The following MAF variants were observed in gnomAD, a reference collection of about 807,000 sequenced individuals.
The protein encoded by MAF is transcription factor Maf.
Under a neutral mutation model 22.0 loss-of-function variants are expected in MAF, and 10 were observed. That is an observed-to-expected ratio of 0.45 (90% CI 0.28 to 0.77). The LOEUF is 0.77. Among genes scored for constraint, MAF ranks in the 30% least tolerant of loss-of-function variants. The pLI is 0.12. For missense variants in MAF, 544 were observed against 548.4 expected (o/e 0.99, Z 0.08); for synonymous variants, 337 against 255.8 (o/e 1.32, Z -3.03).
chr16:79,272,491 G>C, the MAF span, among the ~76,000 whole-genome samples: 4 of 152,072 alleles, frequency 2.6e-5, no homozygotes, highest in Non-Finnish European at 5.9e-5. Flanking sequence ...TTTCATCTCT[G>C]CACACCGACT....
the MAF span, among the ~76,000 whole-genome samples, chr16:79,417,741 C>T: frequency 0.52 from 79,347 of 151,994 alleles, 21,741 homozygotes; most frequent in East Asian, 0.89. Flanking sequence ...CTCTTGTTGA[C>T]CAAATATCAG....
chr16:79,240,544 AG>A, the MAF span, among the ~76,000 whole-genome samples: 1 of 135,614 alleles, frequency 7.4e-6, no homozygotes, highest in Non-Finnish European at 1.6e-5. Flanking sequence ...AGCCCCAGTT[AG>A]GGGCTTATTG....
chr16:79,461,720 TGGAGAGA>T, the MAF span, among the ~76,000 whole-genome samples: 8 of 152,242 alleles, frequency 5.3e-5, no homozygotes, highest in African/African-American at 1.7e-4. Flanking sequence ...GGTTACTGTT[TGGAGAGA>T]GGAGAGAGAC....
chr16:79,453,102 T>C, the MAF span, among the ~76,000 whole-genome samples: 440 of 152,298 alleles, frequency 2.9e-3, 1 homozygote, highest in African/African-American at 9.2e-3. Context: ...TAGCTTCTCC[T>C]TGAAATCAAA....
chr16:79,533,990 G>A, the MAF span, among the ~76,000 whole-genome samples: 1 of 152,196 alleles, frequency 6.6e-6, no homozygotes, highest in East Asian at 1.9e-4. Context: ...GCTCCCCTCA[G>A]CTCACCTGAA....
the MAF span, among the ~76,000 whole-genome samples, chr16:79,391,872 AAGGAGGAGGAGGAGGAGGAGGAGGAGC>A: frequency 1.5e-4 from 21 of 136,986 alleles, no homozygotes; most frequent in Admixed American, 1.1e-3. Flanking sequence ...GGAGGAGGAG[AAGGAGGAGGAGGAGGAGGAGGAGGAGC>A]AGGAGGAGGA....
the MAF span, among the ~76,000 whole-genome samples, chr16:79,397,207 C>T: frequency 2.0e-5 from 3 of 152,234 alleles, no homozygotes; most frequent in East Asian, 5.8e-4. Flanking sequence ...CTTTGGCAAT[C>T]TGTGTCTTCC....
the MAF span, among the ~76,000 whole-genome samples, chr16:79,447,895 A>AAAAAAAAAAAG: frequency 7.0e-6 from 1 of 143,500 alleles, no homozygotes; most frequent in African/African-American, 2.5e-5. Flanking sequence ...CCATCTCAAA[A>AAAAAAAAAAAG]AAAAAAAAAA....
chr16:79,346,147 T>C, the MAF span, among the ~76,000 whole-genome samples: 3 of 151,952 alleles, frequency 2.0e-5, no homozygotes, highest in African/African-American at 7.3e-5. Context: ...CATTTAGCAT[T>C]AGGTGTATCT....
the MAF span, among the ~76,000 whole-genome samples, chr16:79,320,150 T>C: frequency 0.52 from 78,470 of 151,950 alleles, 22,583 homozygotes; most frequent in Non-Finnish European, 0.66. Flanking sequence ...CAGGAGAGTT[T>C]GGTGCATATG....
chr16:79,269,242 A>G, the MAF span, among the ~76,000 whole-genome samples: 1 of 152,116 alleles, frequency 6.6e-6, no homozygotes, highest in Non-Finnish European at 1.5e-5. Context: ...TTAGCAAAGG[A>G]GTGACTTCCA....
chr16:79,419,597 C>T, the MAF span, among the ~76,000 whole-genome samples: 1 of 152,140 alleles, frequency 6.6e-6, no homozygotes, highest in Non-Finnish European at 1.5e-5. Flanking sequence ...CATGTCTGTT[C>T]TGGAAAAACA....
chr16:79,448,328 C>A, the MAF span, among the ~76,000 whole-genome samples: 2 of 152,052 alleles, frequency 1.3e-5, no homozygotes, highest in East Asian at 3.9e-4. Context: ...GCAAGACCCT[C>A]CATCCCAAAA....
the MAF span, among the ~76,000 whole-genome samples, chr16:79,572,814 A>C: frequency 6.6e-6 from 1 of 152,202 alleles, no homozygotes; most frequent in Non-Finnish European, 1.5e-5. Flanking sequence ...TATTCCAGCT[A>C]TATCCAAAGT....
chr16:79,466,541 AG>A, the MAF span, among the ~76,000 whole-genome samples: 3 of 152,354 alleles, frequency 2.0e-5, no homozygotes, highest in South Asian at 6.2e-4. Context: ...GAGATCCCGG[AG>A]GCAAACTTTG....
chr16:79,543,650 C>G, the MAF span, among the ~76,000 whole-genome samples: 1 of 151,168 alleles, frequency 6.6e-6, no homozygotes, highest in Non-Finnish European at 1.5e-5. Context: ...TACAGCTGAA[C>G]AATTTCCAGG....
At chr16:79,589,885 T>A (rs1454063351), downstream of MAF, among the ~76,000 whole-genome samples, 2 of 152,136 alleles carry the variant, frequency 1.3e-5, no homozygotes, top group Admixed American at 6.5e-5. Flanking sequence ...GTCGTGGGCA[T>A]CTCCGAGGGG....
At chr16:79,569,524 A>G in the MAF span, among the ~76,000 whole-genome samples, 1 of 152,130 alleles carries the variant, frequency 6.6e-6, no homozygotes, top group African/African-American at 2.4e-5. Flanking sequence ...TATCACCTGG[A>G]AACAGGTTTG....
chr16:79,415,417 G>A, the MAF span, among the ~76,000 whole-genome samples: 5 of 151,644 alleles, frequency 3.3e-5, no homozygotes, highest in South Asian at 1.0e-3. Context: ...AAGGAAGGAG[G>A]GAAGGAAAAT....
Sources: gnomAD v4.1 joint callset for allele counts (sites outside exome capture counted in the v4.1 genomes callset) on GRCh38, gnomAD v4.1.1 for gene constraint, MANE v1.5 for transcripts, NCBI Gene and HGNC (gene_info 2026-07-23, HGNC 2026-07-21) for gene names.